Variants in GALNT13 observed in about 807,000 individuals in gnomAD.
The protein encoded by GALNT13 is UDP-GalNAc:polypeptide N-acetylgalactosaminyltransferase 13.
Under a neutral mutation model 64.2 loss-of-function variants are expected in GALNT13, and 28 were observed. That is an observed-to-expected ratio of 0.44 (90% confidence interval 0.32 to 0.60). GALNT13 has a LOEUF of 0.60. Ranked by LOEUF, GALNT13 falls within the 20% of genes least tolerant of loss-of-function variation. The probability of loss-of-function intolerance (pLI) is 0.05; values close to 1 mark genes in which losing one functional copy is unlikely to be tolerated. For missense variants in GALNT13, 577 were observed against 669.8 expected (o/e 0.86, Z 1.53); for synonymous variants, 214 against 224.6 (o/e 0.95, Z 0.42).
chr2:153,922,131 A>G lies in GALNT13; in HGVS notation c.-105+21124A>G, dbSNP rs17585589. Among the ~76,000 whole-genome samples, 860 of 152,250 alleles carry G rather than the reference A, an allele frequency of 5.6e-3. 12 individuals carry two copies. The highest frequency in any genetic ancestry group is 0.055 in the East Asian group (284 of 5,164). ...AAAGGAAAATAAAATGTTGATTGCTATTCTGCTGGAGTAGAGCTGAATGGA... is the reference window on the plus strand; with the variant it reads ...AAAGGAAAATAAAATGTTGATTGCTGTTCTGCTGGAGTAGAGCTGAATGGA... On this transcript the variant is annotated intron_variant, in intron 2 of 12. Coordinates refer to ENST00000392825, the MANE Select transcript of GALNT13 (RefSeq NM_052917.4).
At chr2:153,161,674 A>C in the GALNT13 span, among the ~76,000 whole-genome samples, 41 of 152,198 alleles carry the variant, frequency 2.7e-4, no homozygotes, top group African/African-American at 9.9e-4. Context: ...AAAATCATGA[A>C]GAAAGTGACT....
chr2:154,260,828 C>G (rs772796493), intron 8 of GALNT13, among the ~76,000 whole-genome samples: 2 of 152,090 alleles, frequency 1.3e-5, no homozygotes, highest in African/African-American at 4.8e-5. Flanking sequence ...TGATATTCTT[C>G]GGGTGCTATG....
chr2:153,208,029 T>C, the GALNT13 span: 1 of 152,196 alleles, frequency 6.6e-6, no homozygotes, highest in Non-Finnish European at 1.5e-5. Flanking sequence ...CTACAACTTT[T>C]GGTAAAATAT....
the GALNT13 span, among the ~76,000 whole-genome samples, chr2:153,520,320 A>T: frequency 7.7e-6 from 1 of 130,200 alleles, no homozygotes; most frequent in South Asian, 2.5e-4. Context: ...ATTGGTTGGG[A>T]AGGTTAGCAG....
chr2:153,989,441 A>G (rs552276945), intron 3 of GALNT13, among the ~76,000 whole-genome samples: 1 of 152,106 alleles, frequency 6.6e-6, no homozygotes, highest in South Asian at 2.1e-4. Flanking sequence ...TATGTGGTCT[A>G]AATACGTTGA....
At chr2:153,705,285 G>A in the GALNT13 span, among the ~76,000 whole-genome samples, 1 of 151,634 alleles carries the variant, frequency 6.6e-6, no homozygotes, top group Non-Finnish European at 1.5e-5. Context: ...AAATAAAGAT[G>A]ATAATACTTT....
At chr2:153,601,510 C>CT in the GALNT13 span, among the ~76,000 whole-genome samples, 3 of 151,180 alleles carry the variant, frequency 2.0e-5, no homozygotes, top group African/African-American at 7.3e-5. Context: ...CACCATTTTT[C>CT]TTTTTTTTCA....
At chr2:154,354,515 C>T (rs899999046) in intron 9 of GALNT13, among the ~76,000 whole-genome samples, 5 of 138,826 alleles carry the variant, frequency 3.6e-5, no homozygotes, top group African/African-American at 5.3e-5. Context: ...TTTTCCTCTA[C>T]GTTCCCTTCT....
At chr2:153,524,298 A>G in the GALNT13 span, among the ~76,000 whole-genome samples, 1 of 151,694 alleles carries the variant, frequency 6.6e-6, no homozygotes, top group Non-Finnish European at 1.5e-5. Context: ...CTGGCTTCAT[A>G]GAATAAGTTA....
At chr2:154,200,370 T>C (rs1421687047) in intron 4 of GALNT13, among the ~76,000 whole-genome samples, 2 of 151,924 alleles carry the variant, frequency 1.3e-5, no homozygotes, top group Non-Finnish European at 2.9e-5. Context: ...CTGGTAAGAG[T>C]ATGGCAAGAG....
chr2:153,705,235 T>G, the GALNT13 span, among the ~76,000 whole-genome samples: 1 of 152,174 alleles, frequency 6.6e-6, no homozygotes, highest in African/African-American at 2.4e-5. Flanking sequence ...TGACTAGTCT[T>G]GAGTAAGTCG....
At chr2:153,097,102 C>G in the GALNT13 span, among the ~76,000 whole-genome samples, 1 of 152,074 alleles carries the variant, frequency 6.6e-6, no homozygotes, top group Non-Finnish European at 1.5e-5. Flanking sequence ...TTATTTTAAA[C>G]TTATAACAAA....
chr2:153,843,480 C>T, the GALNT13 span, among the ~76,000 whole-genome samples: 1 of 152,222 alleles, frequency 6.6e-6, no homozygotes, highest in East Asian at 1.9e-4. Flanking sequence ...CTGGTGATTA[C>T]ATCTCAACAT....
intron 3 of GALNT13, among the ~76,000 whole-genome samples, chr2:154,011,117 AT>A (rs1696607454): frequency 1.3e-5 from 2 of 151,246 alleles, no homozygotes; most frequent in Admixed American, 1.3e-4. Context: ...ATTTTTTAAA[AT>A]TTCTTTTCTT....
At chr2:153,602,332 A>C in the GALNT13 span, among the ~76,000 whole-genome samples, 1 of 151,876 alleles carries the variant, frequency 6.6e-6, no homozygotes, top group South Asian at 2.1e-4. Context: ...GAAAGACAGA[A>C]ATTAAAGCAA....
intron 3 of GALNT13, among the ~76,000 whole-genome samples, chr2:153,969,873 T>C (rs945417144): frequency 6.6e-6 from 1 of 152,180 alleles, no homozygotes; most frequent in African/African-American, 2.4e-5. Flanking sequence ...CTAATCCTAC[T>C]TACTATTTAT....
chr2:153,930,865 C>A (rs1440590840), intron 2 of GALNT13, among the ~76,000 whole-genome samples: 1 of 151,826 alleles, frequency 6.6e-6, no homozygotes, highest in Non-Finnish European at 1.5e-5. Context: ...TGATGAATGT[C>A]CTTGGTAGTT....
chr2:154,301,528 C>G lies in GALNT13; in HGVS notation c.1095C>G (p.Asn365Lys). 1 of 1,613,412 alleles carries G rather than the reference C, an allele frequency of 6.2e-7. No individual in the cohort carries two copies. ...GGTGHVINKN[N>K]RRLAEVWMDE... The stretch of plus-strand genomic sequence containing the variant: ...CTGGTCATGTCATCAACAAGAACAA[C>G]AGGAGACTGGCAGAAGTTTGGATGG... Residue 365 changes from asparagine (N) to lysine (K), a missense_variant, in exon 9 of 13, where the codon AAC becomes AAG. Transcript: ENST00000392825.
At chr2:154,029,112 GTCTTTTC>G (rs1348395020) in intron 3 of GALNT13, among the ~76,000 whole-genome samples, 23 of 150,460 alleles carry the variant, frequency 1.5e-4, no homozygotes, top group African/African-American at 5.4e-4. Flanking sequence ...TTGCACTGCA[GTCTTTTC>G]TCCATAGACT....
Sources: allele counts gnomAD v4.1 joint callset (sites outside exome capture counted in the v4.1 genomes callset), GRCh38; gene constraint gnomAD v4.1.1; transcripts MANE v1.5; gene names NCBI Gene and HGNC (gene_info 2026-07-23, HGNC 2026-07-21).